Variants in TMEM116 observed in about 807,000 individuals in gnomAD.
TMEM116 encodes transmembrane protein 116.
A neutral mutation model predicts 44.3 loss-of-function variants in TMEM116; 38 were observed. That is an observed-to-expected ratio of 0.86 (90% confidence interval 0.66 to 1.12). TMEM116 has a LOEUF of 1.12. Among genes scored for constraint, TMEM116 ranks in the 50% most tolerant of loss-of-function variants. TMEM116 has a pLI of 0.00. For synonymous variants in TMEM116, 132 were observed against 144.8 expected, an observed-to-expected ratio of 0.91 and a Z score of 0.64; for missense variants, 354 against 401.7, an observed-to-expected ratio of 0.88 and a Z score of 1.01.
In TMEM116 at chr12:111,931,449, G is replaced by T; in HGVS notation, c.*172C>A. On this transcript the variant is annotated 3_prime_UTR_variant, in exon 11 of 11. Transcript: ENST00000552374. ...TCACTAGTGAATCTGGGAATAACTG[G>T]AGAGATACTCCCAATTCATCTAGAA... The T allele has an allele frequency of 1.6e-6, 1 of 635,662 alleles. No homozygotes were observed. The highest frequency in any genetic ancestry group is 2.9e-5 in the Admixed American group (1 of 34,816). 39.4% of individuals were successfully genotyped at this position (635,662 alleles called of 1,614,324 possible).
At chr12:111,951,978 C>T (rs189504114) in intron 4 of TMEM116, among the ~76,000 whole-genome samples, 67 of 152,100 alleles carry the variant, frequency 4.4e-4, no homozygotes, top group African/African-American at 1.6e-3. Flanking sequence ...GCCTGTAATC[C>T]CAGCACTTTT....
intron 1 of TMEM116, chr12:112,011,348 CACAA>C (rs2077826574): frequency 1.3e-5 from 2 of 152,276 alleles, no homozygotes; most frequent in Admixed American, 6.5e-5. Flanking sequence ...CATACACACA[CACAA>C]ACACACACAC....
At chr12:112,005,725 A>C (rs568984331) in intron 1 of TMEM116, 1 of 983,738 alleles carries the variant, frequency 1.0e-6, no homozygotes, top group East Asian at 1.1e-4. Context: ...TGGGTAGAAA[A>C]AGTTAAATGT....
Position 111,938,223 on chromosome 12 carries a change from T to A in TMEM116, c.316-13A>T. ...TATAATCTATCACCTGTGAAAAGAA[T>A]AAATGTGAGAAATGTCTTAAGACAT... On this transcript the variant is annotated splice_polypyrimidine_tract_variant and intron_variant, in intron 5 of 10. Coordinates refer to ENST00000552374, the MANE Select transcript of TMEM116 (RefSeq NM_001193531.2). 6.4e-7 allele frequency: 1 copy of A among 1,563,464 alleles called. No individual in the cohort carries two copies. The highest frequency in any genetic ancestry group is 8.7e-7 in the Non-Finnish European group (1 of 1,153,260).
At chr12:111,977,203 A>G (rs907134064) in intron 4 of TMEM116, among the ~76,000 whole-genome samples, 1 of 152,182 alleles carries the variant, frequency 6.6e-6, no homozygotes, top group Non-Finnish European at 1.5e-5. Context: ...AGACAAAGAG[A>G]AAAATCTAGA....
chr12:111,936,488 C>T (rs1310362251), intron 8 of TMEM116: 5 of 520,066 alleles, frequency 9.6e-6, no homozygotes, highest in Non-Finnish European at 1.7e-5. Flanking sequence ...TAAATACAAG[C>T]TCTTTTCTCT....
intron 9 of TMEM116, 103 bp downstream of exon 9, chr12:111,933,783 A>C: frequency 6.9e-7 from 1 of 1,439,300 alleles, no homozygotes; most frequent in Non-Finnish European, 9.5e-7. Context: ...GGTGTGAGCC[A>C]CTGTGCCCGA....
intron 4 of TMEM116, among the ~76,000 whole-genome samples, chr12:111,991,215 CT>C (rs1183925814): frequency 3.5e-5 from 3 of 86,462 alleles, no homozygotes; most frequent in African/African-American, 1.5e-4. Context: ...GAGACTCTGT[CT>C]CAAAAAAAAA....
intron 4 of TMEM116, among the ~76,000 whole-genome samples, chr12:111,945,005 A>T (rs1005261012): frequency 6.9e-6 from 1 of 145,696 alleles, no homozygotes; most frequent in African/African-American, 2.5e-5. Flanking sequence ...AGCCCTGGAG[A>T]TGGAGGTTGC....
At chr12:111,993,687 C>A in intron 3 of TMEM116, 2 of 609,912 alleles carry the variant, frequency 3.3e-6, no homozygotes, top group East Asian at 6.8e-5. Flanking sequence ...AGTTTGCCTG[C>A]TTTTAAGGTA....
chr12:111,951,938 ACGGTGGCTTGGCCGGGTG>A lies in TMEM116; in HGVS notation c.211-8587_211-8570del, dbSNP rs199510876. Among the ~76,000 whole-genome samples, 163 of 152,266 alleles carry A rather than the reference ACGGTGGCTTGGCCGGGTG, an allele frequency of 1.1e-3. 1 individual carries two copies. The East Asian group carries it at 0.011, about 10-fold the overall frequency. On this transcript the variant is annotated intron_variant, in intron 4 of 10. Coordinates refer to ENST00000552374, the MANE Select transcript of TMEM116 (RefSeq NM_001193531.2). Reference sequence around the variant, plus strand: ...TTTCAAACTGACTTAGTGGCTGGGCACGGTGGCTTGGCCGGGTGCGGTGGCTCATGCCTGTAATCCCAG... The same window carrying A: ...TTTCAAACTGACTTAGTGGCTGGGCACGGTGGCTCATGCCTGTAATCCCAG...
chr12:111,962,923 A>G (rs902154643), intron 4 of TMEM116, among the ~76,000 whole-genome samples: 9 of 152,220 alleles, frequency 5.9e-5, no homozygotes, highest in African/African-American at 2.2e-4. Flanking sequence ...CCATCTGACA[A>G]AGGGCTAATA....
chr12:111,945,073 TA>T (rs1231486290), intron 4 of TMEM116, among the ~76,000 whole-genome samples: 8,277 of 56,652 alleles, frequency 0.15, 225 homozygotes, highest in Middle Eastern at 0.23. Context: ...AGACTCCATC[TA>T]AAAAAAAAAA....
chr12:112,000,989 C>G, intron 3 of TMEM116: 2 of 256,966 alleles, frequency 7.8e-6, no homozygotes, highest in South Asian at 7.9e-5. Context: ...AGGCCATGAC[C>G]ATCCAAGCTC....
intron 1 of TMEM116, among the ~76,000 whole-genome samples, chr12:112,009,768 C>A (rs938151373): frequency 6.6e-6 from 1 of 150,920 alleles, no homozygotes; most frequent in Non-Finnish European, 1.5e-5. Flanking sequence ...ATCACTTGAA[C>A]GCAGGAGGTG....
chr12:111,936,706 G>T lies in TMEM116; in HGVS notation c.574C>A (p.Leu192Ile). The T allele has an allele frequency of 6.2e-7, 1 of 1,613,992 alleles. No homozygotes were observed. The highest frequency in any genetic ancestry group is 1.1e-5 in the South Asian group (1 of 91,064). Reference protein sequence around the residue: ...AIFLGSFVLSLLTIMVLLIRA... With the variant: ...AIFLGSFVLSILTIMVLLIRA... The stretch of plus-strand genomic sequence containing the variant: ...TGGTACCATACCATAATGGTAAGGA[G>T]GCTGAGTACAAAGCTGCCCAGGAAA... The change falls in exon 8 of 11, where the codon CTC (leucine) becomes ATC (isoleucine). Residue 192 changes from leucine to isoleucine, a missense_variant. Physicochemically the swap from Leu to Ile is conservative, Grantham distance 5 (BLOSUM62 2). Coordinates refer to ENST00000552374, the MANE Select transcript of TMEM116 (RefSeq NM_001193531.2).
intron 7 of TMEM116, 32 bp from the exon 8 acceptor site, chr12:111,936,862 C>G: frequency 6.5e-7 from 1 of 1,547,158 alleles, no homozygotes; most frequent in Non-Finnish European, 8.7e-7. Context: ...AGGAGTACTA[C>G]TACAGATGTA....
At chr12:111,955,738 C>T (rs527632247) in intron 4 of TMEM116, among the ~76,000 whole-genome samples, 39 of 152,196 alleles carry the variant, frequency 2.6e-4, no homozygotes, top group African/African-American at 7.7e-4. Context: ...AGACAGTGGC[C>T]GCATAAGATT....
chr12:111,987,559 G>A (rs1375563790), intron 4 of TMEM116, among the ~76,000 whole-genome samples: 1 of 149,490 alleles, frequency 6.7e-6, no homozygotes, highest in Admixed American at 6.7e-5. Flanking sequence ...TTCTTCAGAA[G>A]ATATATAAAT....
Sources: allele counts gnomAD v4.1 joint callset (sites outside exome capture counted in the v4.1 genomes callset), GRCh38; gene constraint gnomAD v4.1.1; transcripts MANE v1.5; gene names NCBI Gene and HGNC (gene_info 2026-07-23, HGNC 2026-07-21).